Variants in EFNA5 observed in about 807,000 individuals in gnomAD.
The protein encoded by EFNA5 is ephrin-A5.
Under a neutral mutation model 22.9 loss-of-function variants are expected in EFNA5, and 5 were observed. The observed-to-expected ratio is 0.22, with a 90% CI of 0.11 to 0.46. The LOEUF is 0.46. Among genes scored for constraint, EFNA5 ranks in the 20% least tolerant of loss-of-function variants. EFNA5 has a pLI of 0.99. For synonymous variants in EFNA5, 113 were observed against 112.2 expected, an observed-to-expected ratio of 1.01 and a Z score of -0.04; for missense variants, 237 against 293.3, an observed-to-expected ratio of 0.81 and a Z score of 1.40.
In EFNA5 at chr5:107,378,019, C is replaced by T. The variant is rs1366453798; in HGVS notation, c.*3236G>A. 6.6e-6 allele frequency: 1 copy of T among 152,042 alleles called. No homozygotes were observed. Among genetic ancestry groups the T allele is most frequent in the Non-Finnish European group, 1.5e-5 (1 of 68,016 alleles). 9.4% of individuals were successfully genotyped at this position (152,042 alleles called of 1,614,324 possible). A position where few individuals can be genotyped will look rare whatever the true frequency, so the allele number is the denominator to read the frequency against. The stretch of plus-strand genomic sequence containing the variant: ...AGCAGTGTCTCAGCCACTTGTGACT[C>T]TTTTTTTCAGCCATGGTACACATTG... On this transcript the variant is annotated 3_prime_UTR_variant, in exon 5 of 5. Coordinates refer to ENST00000333274, the MANE Select transcript of EFNA5 (RefSeq NM_001962.3).
At chr5:107,493,193 ATAG>A (rs1267908452) in intron 1 of EFNA5, among the ~76,000 whole-genome samples, 3 of 151,278 alleles carry the variant, frequency 2.0e-5, no homozygotes, top group African/African-American at 7.3e-5. Flanking sequence ...AGCAAACACC[ATAG>A]TTGTTTTTTG....
chr5:107,434,859 T>C (rs1749064685), intron 1 of EFNA5, among the ~76,000 whole-genome samples: 1 of 152,234 alleles, frequency 6.6e-6, no homozygotes. Flanking sequence ...GAGGTGATTG[T>C]TTTAATATTC....
At chr5:107,646,275 G>A (rs1481574285) in intron 1 of EFNA5, among the ~76,000 whole-genome samples, 1 of 151,870 alleles carries the variant, frequency 6.6e-6, no homozygotes, top group Admixed American at 6.6e-5. Flanking sequence ...CCTTGACTAT[G>A]GTAATTATTT....
At chr5:107,661,895 T>C (rs1750967795) in intron 1 of EFNA5, among the ~76,000 whole-genome samples, 2 of 152,200 alleles carry the variant, frequency 1.3e-5, no homozygotes. Context: ...TAACCTCATT[T>C]AATTCAAACC....
intron 1 of EFNA5, among the ~76,000 whole-genome samples, chr5:107,612,527 A>G (rs1424184194): frequency 1.3e-5 from 2 of 152,150 alleles, no homozygotes; most frequent in African/African-American, 4.8e-5. Context: ...AAAAAAGTTC[A>G]TCCAAAATAT....
intron 1 of EFNA5, among the ~76,000 whole-genome samples, chr5:107,471,750 G>T (rs1750147405): frequency 6.6e-6 from 1 of 152,294 alleles, no homozygotes; most frequent in Non-Finnish European, 1.5e-5. Context: ...CAGCTGAAAA[G>T]ATGTATTTGG....
At chr5:107,643,085 C>A (rs961677072) in intron 1 of EFNA5, among the ~76,000 whole-genome samples, 2 of 151,974 alleles carry the variant, frequency 1.3e-5, no homozygotes, top group African/African-American at 2.4e-5. Flanking sequence ...ATTAGGAGGG[C>A]CTCAAAAAAC....
At chr5:107,437,397 C>T (rs1749142541) in intron 1 of EFNA5, among the ~76,000 whole-genome samples, 2 of 152,100 alleles carry the variant, frequency 1.3e-5, no homozygotes, top group Admixed American at 1.3e-4. Flanking sequence ...CAGTTGGATA[C>T]AAATCTGGGA....
At chr5:107,608,261 A>G (rs1335911290) in intron 1 of EFNA5, among the ~76,000 whole-genome samples, 2 of 152,138 alleles carry the variant, frequency 1.3e-5, no homozygotes, top group Non-Finnish European at 2.9e-5. Flanking sequence ...TTCAGTCCCC[A>G]AATGGCTCCG....
rs142616864 is a variant in EFNA5 at position 107,556,790 on chromosome 5, A to AAATAAATAAATATATAAAAT, written c.125+113698_125+113699insATTTTATATATTTATTTATT. Reference sequence around the variant, plus strand: ...TAAATAAATAAATAAATAAATAAATAAAATAAAATAAATAACTATCTCAAA... The same window carrying AAATAAATAAATATATAAAAT: ...TAAATAAATAAATAAATAAATAAATAAATAAATAAATATATAAAATAAATAAAATAAATAACTATCTCAAA... On this transcript the variant is annotated intron_variant, in intron 1 of 4. Transcript: ENST00000333274. Among the ~76,000 whole-genome samples, 230 of 140,600 alleles carry AAATAAATAAATATATAAAAT rather than the reference A, an allele frequency of 1.6e-3. 4 individuals carry two copies. The highest frequency in any genetic ancestry group is 3.1e-3 in the African/African-American group (117 of 37,500). The allele number at this position is 140,600 out of a possible 152,430, so 92.2% of individuals were successfully genotyped here. A position where few individuals can be genotyped will look rare whatever the true frequency, so the allele number is the denominator to read the frequency against.
At chr5:107,516,502 T>C (rs1204878910) in intron 1 of EFNA5, among the ~76,000 whole-genome samples, 1 of 152,192 alleles carries the variant, frequency 6.6e-6, no homozygotes, top group Non-Finnish European at 1.5e-5. Context: ...AACAACTGTT[T>C]TAACTATATT....
chr5:107,438,301 C>T (rs553975030), intron 1 of EFNA5, among the ~76,000 whole-genome samples: 5 of 152,298 alleles, frequency 3.3e-5, no homozygotes, highest in African/African-American at 1.2e-4. Flanking sequence ...CCATTGCCAT[C>T]CCAATTACAC....
chr5:107,491,602 C>T lies in EFNA5; in HGVS notation c.126-64093G>A, dbSNP rs1746808607. ...CTGGGATTACAGGCATGAGCCACCG[C>T]ACCCAGACTGTTCTTTCTTTTTTCT... On this transcript the variant is annotated intron_variant, in intron 1 of 4. Coordinates refer to ENST00000333274, the MANE Select transcript of EFNA5 (RefSeq NM_001962.3). 3.9e-5 allele frequency among the ~76,000 whole-genome samples: 6 copies of T among 152,228 alleles called. 1 individual carries two copies. In the South Asian group the frequency reaches 1.0e-3, roughly 26 times the overall value.
intron 2 of EFNA5, among the ~76,000 whole-genome samples, chr5:107,405,570 T>G (rs967308555): frequency 2.4e-4 from 37 of 152,342 alleles, no homozygotes; most frequent in African/African-American, 7.2e-4. Context: ...CTATACCATC[T>G]GTTTGCCAAA....
intron 1 of EFNA5, among the ~76,000 whole-genome samples, chr5:107,571,747 T>G (rs147561888): frequency 6.6e-6 from 1 of 152,156 alleles, no homozygotes; most frequent in East Asian, 1.9e-4. Context: ...GCTGTCACCC[T>G]GACGAGAGAA....
At chr5:107,408,786 G>A (rs901039890) in intron 2 of EFNA5, among the ~76,000 whole-genome samples, 2 of 152,184 alleles carry the variant, frequency 1.3e-5, no homozygotes, top group Non-Finnish European at 2.9e-5. Context: ...CTCCCACACA[G>A]ACAGACCAAA....
chr5:107,485,922 T>C (rs959724610), intron 1 of EFNA5, among the ~76,000 whole-genome samples: 6 of 152,294 alleles, frequency 3.9e-5, no homozygotes, highest in East Asian at 1.9e-4. Context: ...TTGTTTTCTA[T>C]TGAACCTCGC....
intron 1 of EFNA5, among the ~76,000 whole-genome samples, chr5:107,637,989 C>A (rs1254168069): frequency 6.7e-6 from 1 of 150,272 alleles, no homozygotes; most frequent in Non-Finnish European, 1.5e-5. Context: ...TGGGACTACA[C>A]GCACCTGCCA....
chr5:107,663,975 T>G (rs748931085), intron 1 of EFNA5, among the ~76,000 whole-genome samples: 1 of 152,130 alleles, frequency 6.6e-6, no homozygotes. Flanking sequence ...TCTACCTGAA[T>G]GAAAGCTGAG....
Sources: gnomAD v4.1 joint callset for allele counts (sites outside exome capture counted in the v4.1 genomes callset) on GRCh38, gnomAD v4.1.1 for gene constraint, MANE v1.5 for transcripts, NCBI Gene and HGNC (gene_info 2026-07-23, HGNC 2026-07-21) for gene names.